RBM20: variants seen among roughly 807,000 people sequenced by gnomAD.
RBM20 encodes the protein RNA-binding protein 20.
RBM20 carries 51 observed loss-of-function variants against 110.1 expected under a neutral mutation model. That is an observed-to-expected ratio of 0.46 (90% confidence interval 0.37 to 0.59). The LOEUF (loss-of-function observed/expected upper bound fraction) is 0.59. RBM20 is among the 20% of genes least tolerant of loss of function. The pLI is 0.00. For missense variants in RBM20, 1,512 were observed against 1,574.9 expected (o/e 0.96, Z 0.68); for synonymous variants, 589 against 618.2 (o/e 0.95, Z 0.70).
In RBM20 at chr10:110,644,518, G is replaced by T; in HGVS notation, c.64G>T (p.Val22Phe). 1 of 1,528,050 alleles carries T rather than the reference G, an allele frequency of 6.5e-7. No homozygotes were observed. The highest frequency in any genetic ancestry group is 8.8e-7 in the Non-Finnish European group (1 of 1,140,956). 94.7% of individuals were successfully genotyped at this position (1,528,050 alleles called of 1,614,324 possible). Residue 22 changes from valine (V) to phenylalanine (F), a missense_variant, in exon 1 of 14, where the codon GTT (valine) becomes TTT (phenylalanine). Val to Phe is a conservative substitution (Grantham distance 50). This residue lies in a region of RBM20 where 1,149 missense variants were observed against 1,169.4 expected (regional missense o/e 0.98). Transcript: ENST00000369519. This position sits in a 1 kb window ranked among gnomAD's most constrained non-coding sequence, Gnocchi z 4.3. ...CAGCGGTCCGGAGCAGCCGGACAGA[G>T]TTGCCTGCAGTGTGCCTGGTGCCCG... ...DPSGPEQPDR[V>F]ACSVPGARAS...
intron 12 of RBM20, among the ~76,000 whole-genome samples, chr10:110,830,800 G>A (rs535912822): frequency 1.3e-5 from 2 of 152,288 alleles, no homozygotes; most frequent in South Asian, 2.1e-4. Context: ...GCAGGCCATG[G>A]AATGGCTAAG....
At chr10:110,714,770 A>G (rs893631179) in intron 1 of RBM20, among the ~76,000 whole-genome samples, 3 of 152,164 alleles carry the variant, frequency 2.0e-5, no homozygotes, top group African/African-American at 7.2e-5. Flanking sequence ...CCATCTTCCA[A>G]GAAGAATCCT....
intron 5 of RBM20, among the ~76,000 whole-genome samples, chr10:110,795,584 T>C (rs530521720): frequency 6.6e-6 from 1 of 152,346 alleles, no homozygotes; most frequent in East Asian, 1.9e-4. Context: ...AGGGGTGACA[T>C]CTTAGACTTT....
At chr10:110,718,383 A>T (rs1376737403) in intron 1 of RBM20, among the ~76,000 whole-genome samples, 1 of 152,164 alleles carries the variant, frequency 6.6e-6, no homozygotes, top group Non-Finnish European at 1.5e-5. Context: ...ACCTCTGCCC[A>T]ACTGGACTCT....
intron 1 of RBM20, among the ~76,000 whole-genome samples, chr10:110,750,592 T>G (rs986527149): frequency 1.3e-5 from 2 of 152,216 alleles, no homozygotes; most frequent in African/African-American, 4.8e-5. Flanking sequence ...TTACCCGACC[T>G]CTTAATTCAT....
rs529405891 is a variant in RBM20 at position 110,698,949 on chromosome 10, G to T, written c.191+54304G>T. Reference sequence around the variant, plus strand: ...CACTTGGCAAAGGGCTGTCTCATTTGCTAGGGTTCTGTTATATGTCACTTG... The same window carrying T: ...CACTTGGCAAAGGGCTGTCTCATTTTCTAGGGTTCTGTTATATGTCACTTG... On this transcript the variant is annotated intron_variant, in intron 1 of 13. Transcript: ENST00000369519. 9.1e-4 allele frequency among the ~76,000 whole-genome samples: 139 copies of T among 152,306 alleles called. 1 individual carries two copies. The highest frequency in any genetic ancestry group is 1.7e-3 in the Non-Finnish European group (115 of 68,022).
intron 5 of RBM20, among the ~76,000 whole-genome samples, chr10:110,786,923 A>G (rs1461415867): frequency 6.6e-6 from 1 of 152,126 alleles, no homozygotes; most frequent in African/African-American, 2.4e-5. Flanking sequence ...CCCCTCCATA[A>G]AGGGGGGTGG....
intron 1 of RBM20, among the ~76,000 whole-genome samples, chr10:110,661,737 C>T (rs1266836712): frequency 2.0e-5 from 3 of 152,088 alleles, no homozygotes; most frequent in South Asian, 2.1e-4. Context: ...GGGCCAGGCA[C>T]GGTGGCTCAC....
chr10:110,824,590 AG>A (rs1015570562), intron 12 of RBM20, among the ~76,000 whole-genome samples: 1 of 152,122 alleles, frequency 6.6e-6, no homozygotes, highest in African/African-American at 2.4e-5. Flanking sequence ...TGAAGTGGGG[AG>A]GGAGTTTACT....
intron 1 of RBM20, among the ~76,000 whole-genome samples, chr10:110,733,075 G>T (rs1290395788): frequency 6.6e-6 from 1 of 152,126 alleles, no homozygotes; most frequent in Non-Finnish European, 1.5e-5. Flanking sequence ...TTCTGTCTCT[G>T]TCTCAGCACC....
At chr10:110,764,393 T>C (rs1195378889) in intron 1 of RBM20, among the ~76,000 whole-genome samples, 1 of 152,242 alleles carries the variant, frequency 6.6e-6, no homozygotes, top group Non-Finnish European at 1.5e-5. Flanking sequence ...CGATCAGACC[T>C]AGATCCCTTC....
chr10:110,698,057 A>G (rs11195269), intron 1 of RBM20, among the ~76,000 whole-genome samples: 25,700 of 151,528 alleles, frequency 0.17, 2,455 homozygotes, highest in East Asian at 0.32. Context: ...ACAGGCGCCC[A>G]CCAACACGCC....
At chr10:110,788,925 T>G (rs1844452043) in intron 5 of RBM20, among the ~76,000 whole-genome samples, 1 of 152,212 alleles carries the variant, frequency 6.6e-6, no homozygotes. Context: ...CTTACAAAAC[T>G]TATGCTTATT....
chr10:110,746,991 C>G (rs1843788563), intron 1 of RBM20, among the ~76,000 whole-genome samples: 1 of 152,126 alleles, frequency 6.6e-6, no homozygotes, highest in Admixed American at 6.5e-5. Flanking sequence ...ATAACAGTGT[C>G]TGCAAAAACT....
chr10:110,750,707 G>T (rs796969945), intron 1 of RBM20, among the ~76,000 whole-genome samples: 2 of 152,306 alleles, frequency 1.3e-5, no homozygotes, highest in African/African-American at 4.8e-5. Context: ...AAGTGGCAGA[G>T]ATTCTGAATT....
rs112708795 is a variant in RBM20 at position 110,833,376 on chromosome 10, G to A, written c.3573+2194G>A. ...TGCTCTCCAGCCTGGGTGACGGAGC[G>A]AAACTCTGTCTCAGAAAAAAAAAAA... is the stretch of plus-strand genomic sequence containing the variant. On this transcript the variant is annotated intron_variant, in intron 13 of 13. Coordinates refer to ENST00000369519, the MANE Select transcript of RBM20 (RefSeq NM_001134363.3). 7.3e-3 allele frequency among the ~76,000 whole-genome samples: 324 copies of A among 44,518 alleles called. 10 individuals carry two copies. In the South Asian group the frequency reaches 0.12, roughly 16 times the overall value. The allele number at this position is 44,518 out of a possible 152,430, so 29.2% of individuals were successfully genotyped here.
intron 9 of RBM20, among the ~76,000 whole-genome samples, chr10:110,813,849 A>G (rs1464574193): frequency 6.6e-6 from 1 of 151,924 alleles, no homozygotes; most frequent in Non-Finnish European, 1.5e-5. Flanking sequence ...AAAAAAAAAA[A>G]AAAAAAAAAT....
chr10:110,702,983 T>C (rs1862780955), intron 1 of RBM20, among the ~76,000 whole-genome samples: 1 of 134,678 alleles, frequency 7.4e-6, no homozygotes, highest in Admixed American at 8.1e-5. Flanking sequence ...GGGTGGGTTT[T>C]TTTTCTTGTT....
intron 1 of RBM20, among the ~76,000 whole-genome samples, chr10:110,766,352 A>T (rs1844083974): frequency 1.3e-5 from 2 of 150,182 alleles, no homozygotes; most frequent in African/African-American, 4.9e-5. Context: ...TTAATTGATC[A>T]TTCTTGGGTG....
Sources: allele counts gnomAD v4.1 joint callset (sites outside exome capture counted in the v4.1 genomes callset), GRCh38; gene constraint gnomAD v4.1.1; regional missense constraint gnomAD v4.1.1; non-coding constraint Gnocchi (gnomAD v3.1); transcripts MANE v1.5; gene names NCBI Gene and HGNC (gene_info 2026-07-23, HGNC 2026-07-21).